Variants in CELF2 observed in about 807,000 individuals in gnomAD.
CELF2 encodes CUG triplet repeat RNA-binding protein 2.
Under a neutral mutation model 62.6 loss-of-function variants are expected in CELF2, and 8 were observed. The ratio of observed to expected loss-of-function variants is 0.13; its 90% CI spans 0.07 to 0.23. The LOEUF (loss-of-function observed/expected upper bound fraction) is 0.23. Among genes scored for constraint, CELF2 ranks in the 10% least tolerant of loss-of-function variants. CELF2 has a pLI of 1.00. For missense variants in CELF2, 333 were observed against 671.0 expected (o/e 0.50, Z 5.56); for synonymous variants, 258 against 250.0 (o/e 1.03, Z -0.30).
At chr10:11,041,151 TTTC>T (rs2061776213) in intron 1 of CELF2, among the ~76,000 whole-genome samples, 1 of 152,242 alleles carries the variant, frequency 6.6e-6, no homozygotes, top group Non-Finnish European at 1.5e-5. Context: ...AGTGTCCTTT[TTTC>T]TTCTTAAAAG....
chr10:10,890,149 C>G (rs1387623510), intron 1 of CELF2, among the ~76,000 whole-genome samples: 1 of 152,012 alleles, frequency 6.6e-6, no homozygotes. Flanking sequence ...TTCAAAATAA[C>G]AGTAAAATGA....
At chr10:10,927,630 T>C (rs2065658814) in intron 2 of CELF2, among the ~76,000 whole-genome samples, 1 of 152,094 alleles carries the variant, frequency 6.6e-6, no homozygotes, top group Non-Finnish European at 1.5e-5. Context: ...AGTCTTGGTA[T>C]GTTACCCAAG....
At chr10:10,591,184 A>C in the CELF2 span, among the ~76,000 whole-genome samples, 1 of 152,208 alleles carries the variant, frequency 6.6e-6, no homozygotes, top group African/African-American at 2.4e-5. Context: ...CATTTAATTC[A>C]TTAAAAGGAA....
intron 1 of CELF2, among the ~76,000 whole-genome samples, chr10:11,028,651 C>T (rs1354042227): frequency 6.6e-6 from 1 of 151,106 alleles, no homozygotes; most frequent in Non-Finnish European, 1.5e-5. Flanking sequence ...AAACTCCTGA[C>T]CTCATGATCC....
chr10:10,555,951 T>C, the CELF2 span, among the ~76,000 whole-genome samples: 1 of 152,218 alleles, frequency 6.6e-6, no homozygotes, highest in African/African-American at 2.4e-5. Context: ...GATACGTATA[T>C]TACATATGTA....
At chr10:10,590,651 G>T in the CELF2 span, among the ~76,000 whole-genome samples, 3 of 152,270 alleles carry the variant, frequency 2.0e-5, no homozygotes, top group Admixed American at 6.5e-5. Flanking sequence ...CAGCCCAACA[G>T]GTCTGCCTTC....
the CELF2 span, among the ~76,000 whole-genome samples, chr10:10,534,882 C>T: frequency 6.6e-6 from 1 of 152,138 alleles, no homozygotes; most frequent in South Asian, 2.1e-4. Flanking sequence ...TTGAAGAGAC[C>T]TTTAAGGATC....
At chr10:11,040,557 C>A (rs1161230687) in intron 1 of CELF2, among the ~76,000 whole-genome samples, 3 of 152,046 alleles carry the variant, frequency 2.0e-5, no homozygotes, top group Non-Finnish European at 2.9e-5. Flanking sequence ...TTGTTCTGGT[C>A]TGGTTGGTCG....
At chr10:10,553,905 C>T in the CELF2 span, among the ~76,000 whole-genome samples, 83 of 152,232 alleles carry the variant, frequency 5.5e-4, no homozygotes, top group African/African-American at 2.0e-3. Context: ...TGTGGTCGCA[C>T]CCAATGCCAA....
chr10:11,000,419 T>C (rs574358041), upstream of CELF2, among the ~76,000 whole-genome samples: 4 of 152,326 alleles, frequency 2.6e-5, no homozygotes, highest in East Asian at 5.8e-4. Flanking sequence ...TGGTTTGCTA[T>C]TTATACATAC....
At chr10:10,626,700 G>A in the CELF2 span, among the ~76,000 whole-genome samples, 1 of 152,196 alleles carries the variant, frequency 6.6e-6, no homozygotes, top group South Asian at 2.1e-4. Flanking sequence ...ATCACAGGCA[G>A]CAGTTTATTG....
rs112673058 is a variant in CELF2 at position 11,021,912 on chromosome 10, ACTTT to A, written c.74+3752_74+3755del. On this transcript the variant is annotated intron_variant, in intron 1 of 12. Transcript: ENST00000633077. Reference sequence around the variant, plus strand: ...TGATGTATGTGAAACATCATTTTATACTTTCTAATTTGATTCCAATTCGGTTATT... The same window carrying A: ...TGATGTATGTGAAACATCATTTTATACTAATTTGATTCCAATTCGGTTATT... Among the ~76,000 whole-genome samples the A allele has an allele frequency of 8.1e-4, 123 of 152,374 alleles. 1 individual carries two copies. Among genetic ancestry groups the A allele is most frequent in the African/African-American group, 2.9e-3 (121 of 41,588 alleles).
intron 2 of CELF2, among the ~76,000 whole-genome samples, chr10:10,962,424 C>T (rs553098728): frequency 2.6e-4 from 40 of 152,254 alleles, no homozygotes; most frequent in South Asian, 1.9e-3. Flanking sequence ...TATACCATAA[C>T]GAGAAATTTC....
upstream of CELF2, among the ~76,000 whole-genome samples, chr10:10,797,662 G>A (rs959719782): frequency 2.3e-4 from 35 of 152,254 alleles, no homozygotes; most frequent in African/African-American, 8.4e-4. Context: ...GCCATGGTCC[G>A]GAAGCCACTG....
rs563427050 is a variant in CELF2 at position 11,224,210 on chromosome 10, C to T, written c.354+6703C>T. ...AGGCAATGTTTAGTTTTGCAAACAACGTAGTCTCAGCTATATCCCTAATTA... is the reference window on the plus strand; with the variant it reads ...AGGCAATGTTTAGTTTTGCAAACAATGTAGTCTCAGCTATATCCCTAATTA... On this transcript the variant is annotated intron_variant, in intron 3 of 12. Coordinates refer to ENST00000633077, the MANE Select transcript of CELF2 (RefSeq NM_001326342.2). The surrounding 1 kb of genome is among the most constrained non-coding windows in gnomAD (Gnocchi z 4.5). Among the ~76,000 whole-genome samples the T allele has an allele frequency of 1.2e-4, 18 of 152,272 alleles. No homozygotes were observed. The highest frequency in any genetic ancestry group is 5.8e-4 in the East Asian group (3 of 5,178).
chr10:11,015,546 A>G (rs186454179), upstream of CELF2, among the ~76,000 whole-genome samples: 1 of 152,384 alleles, frequency 6.6e-6, no homozygotes, highest in East Asian at 1.9e-4. This position sits in a 1 kb window ranked among gnomAD's most constrained non-coding sequence, Gnocchi z 4.8. Flanking sequence ...TCCTCGGTTC[A>G]CATCACCATA....
intron 1 of CELF2, among the ~76,000 whole-genome samples, chr10:11,107,644 T>G (rs543244173): frequency 2.6e-4 from 39 of 152,096 alleles, no homozygotes; most frequent in African/African-American, 8.9e-4. Flanking sequence ...AGTCTTTTAC[T>G]CTAATGTTTG....
At chr10:11,072,928 A>G (rs1001607314) in intron 1 of CELF2, among the ~76,000 whole-genome samples, 3 of 152,040 alleles carry the variant, frequency 2.0e-5, no homozygotes, top group African/African-American at 7.2e-5. Flanking sequence ...TTTAATAACT[A>G]TATTAAAATG....
intron 1 of CELF2, among the ~76,000 whole-genome samples, chr10:10,872,864 G>A (rs935782049): frequency 6.6e-6 from 1 of 152,246 alleles, no homozygotes; most frequent in Non-Finnish European, 1.5e-5. Flanking sequence ...TCCATATGCA[G>A]AGTTTGGGGA....
Sources: gnomAD v4.1 joint callset for allele counts (sites outside exome capture counted in the v4.1 genomes callset) on GRCh38, gnomAD v4.1.1 for gene constraint, Gnocchi (gnomAD v3.1) non-coding constraint, MANE v1.5 for transcripts, NCBI Gene and HGNC (gene_info 2026-07-23, HGNC 2026-07-21) for gene names.